Variants in SLC1A3 observed in about 807,000 individuals in gnomAD.
The protein encoded by SLC1A3 is solute carrier family 1 member 3.
Under a neutral mutation model 48.1 loss-of-function variants are expected in SLC1A3, and 21 were observed. The observed-to-expected ratio is 0.44, with a 90% confidence interval of 0.31 to 0.63. The LOEUF is 0.63. Among genes scored for constraint, SLC1A3 ranks in the 20% least tolerant of loss-of-function variants. The probability of loss-of-function intolerance (pLI) is 0.08; values close to 1 mark genes in which losing one functional copy is unlikely to be tolerated. For missense variants in SLC1A3, 546 were observed against 689.0 expected (o/e 0.79, Z 2.32); for synonymous variants, 239 against 251.4 (o/e 0.95, Z 0.47).
intron 9 of SLC1A3, among the ~76,000 whole-genome samples, chr5:36,685,638 C>G (rs1250630959): frequency 6.6e-6 from 1 of 152,206 alleles, no homozygotes; most frequent in African/African-American, 2.4e-5. Flanking sequence ...TTCTTAATGT[C>G]TGGCTTAATA....
chr5:36,685,862 CTG>C (rs1219585152), intron 9 of SLC1A3, among the ~76,000 whole-genome samples: 3 of 152,244 alleles, frequency 2.0e-5, no homozygotes, highest in Non-Finnish European at 4.4e-5. Flanking sequence ...AAACTAATAA[CTG>C]AACATTCATC....
intron 1 of SLC1A3, among the ~76,000 whole-genome samples, chr5:36,596,687 C>T (rs192462811): frequency 6.6e-6 from 1 of 152,290 alleles, no homozygotes; most frequent in African/African-American, 2.4e-5. Context: ...GGGTGAGTTC[C>T]ATCTTAAATA....
chr5:36,686,213 CTGAT>C lies in SLC1A3; in HGVS notation c.1576_1579del (p.Ile526HisfsTer20). 6.2e-7 allele frequency: 1 copy of C among 1,614,146 alleles called. No individual in the cohort carries two copies. Among genetic ancestry groups the C allele is most frequent in the Non-Finnish European group, 8.5e-7 (1 of 1,179,960 alleles). On this transcript the variant is annotated frameshift_variant, in exon 10 of 10. Transcript: ENST00000265113. LOFTEE classifies it high-confidence loss of function. ...GAATGAAATGAAGAAACCATATCAA[CTGAT>C]TGCACAGGACAATGAAACTGAGAAA...
At chr5:36,685,915 A>G in intron 9 of SLC1A3, 150 bp from the exon 10 acceptor site, 2 of 712,426 alleles carry the variant, frequency 2.8e-6, no homozygotes, top group Admixed American at 2.0e-5. Flanking sequence ...ACTATTATGA[A>G]TATTATGTGT....
chr5:36,602,730 G>A (rs1158211775), upstream of SLC1A3, among the ~76,000 whole-genome samples: 1 of 152,178 alleles, frequency 6.6e-6, no homozygotes. Flanking sequence ...ATTTGGGGGG[G>A]TTCCTCTTGC....
upstream of SLC1A3, among the ~76,000 whole-genome samples, chr5:36,604,773 C>T: frequency 6.6e-6 from 1 of 151,948 alleles, no homozygotes; most frequent in East Asian, 1.9e-4. Flanking sequence ...AGCCCTTTTT[C>T]TTGCCTATTA....
At chr5:36,616,304 C>T (rs9292637) in intron 2 of SLC1A3, among the ~76,000 whole-genome samples, 16,358 of 152,148 alleles carry the variant, frequency 0.11, 1,265 homozygotes, top group East Asian at 0.27. Context: ...GAGATATGCT[C>T]AAGAGAGTTT....
intron 2 of SLC1A3, among the ~76,000 whole-genome samples, chr5:36,615,403 G>T (rs890618465): frequency 7.9e-5 from 12 of 152,076 alleles, no homozygotes; most frequent in African/African-American, 2.7e-4. Flanking sequence ...GCTTTGTTTT[G>T]TTTCCAGGGC....
At chr5:36,596,627 A>G (rs187724410) in exon 1 of SLC1A3, among the ~76,000 whole-genome samples, 1 of 152,364 alleles carries the variant, frequency 6.6e-6, no homozygotes, top group Non-Finnish European at 1.5e-5. Flanking sequence ...TGCAAGTCCA[A>G]GTAGCTCTCT....
At chr5:36,603,365 C>T (rs1368685866), upstream of SLC1A3, among the ~76,000 whole-genome samples, 1 of 152,194 alleles carries the variant, frequency 6.6e-6, no homozygotes, top group Non-Finnish European at 1.5e-5. Context: ...TCTGTTGGGC[C>T]CTGTCCTGGC....
At chr5:36,685,009 A>G (rs1191582676) in intron 9 of SLC1A3, among the ~76,000 whole-genome samples, 2 of 152,226 alleles carry the variant, frequency 1.3e-5, no homozygotes, top group Admixed American at 1.3e-4. Context: ...AGTTCTCCAC[A>G]GTCTTTGATC....
chr5:36,633,014 G>A (rs577111348), intron 3 of SLC1A3, among the ~76,000 whole-genome samples: 29 of 152,282 alleles, frequency 1.9e-4, no homozygotes, highest in South Asian at 2.1e-4. Flanking sequence ...CTATGTCTGT[G>A]CCAACACACC....
intron 2 of SLC1A3, chr5:36,609,366 T>C (rs2111661135): frequency 1.8e-6 from 1 of 550,980 alleles, no homozygotes; most frequent in South Asian, 8.1e-5. Context: ...AACCTACTTA[T>C]TTGGAATTTT....
intron 2 of SLC1A3, among the ~76,000 whole-genome samples, chr5:36,620,172 G>A (rs1739605687): frequency 6.6e-6 from 1 of 152,158 alleles, no homozygotes; most frequent in African/African-American, 2.4e-5. Context: ...TTTCATTAAT[G>A]AGATACTGAT....
At chr5:36,656,028 A>G (rs957365345) in intron 3 of SLC1A3, among the ~76,000 whole-genome samples, 1 of 152,218 alleles carries the variant, frequency 6.6e-6, no homozygotes, top group African/African-American at 2.4e-5. Context: ...GACTGAGAAC[A>G]TTGGTGTTGC....
chr5:36,685,551 C>T (rs547566857), intron 9 of SLC1A3, among the ~76,000 whole-genome samples: 1 of 152,360 alleles, frequency 6.6e-6, no homozygotes, highest in East Asian at 1.9e-4. Context: ...GCTGAGATTA[C>T]AGGTGTGAGC....
intron 3 of SLC1A3, among the ~76,000 whole-genome samples, chr5:36,661,928 G>A (rs927640972): frequency 1.1e-4 from 17 of 152,184 alleles, no homozygotes; most frequent in African/African-American, 4.1e-4. Flanking sequence ...GCTAGGAAGC[G>A]TGCTATCTCG....
chr5:36,616,202 A>G (rs1172250475), intron 2 of SLC1A3, among the ~76,000 whole-genome samples: 1 of 152,172 alleles, frequency 6.6e-6, no homozygotes, highest in East Asian at 1.9e-4. Context: ...CTAAAAAAAA[A>G]AGATGAGTTT....
At chr5:36,607,172 G>A (rs551473543) in intron 1 of SLC1A3, 5 of 152,276 alleles carry the variant, frequency 3.3e-5, no homozygotes, top group Admixed American at 1.3e-4. Context: ...TTATTTAAAA[G>A]GCAAACTGTT....
Sources: gnomAD v4.1 joint callset for allele counts (sites outside exome capture counted in the v4.1 genomes callset) on GRCh38, gnomAD v4.1.1 for gene constraint, MANE v1.5 for transcripts, NCBI Gene and HGNC (gene_info 2026-07-23, HGNC 2026-07-21) for gene names.